Variants in SSBP3 observed in about 807,000 individuals in gnomAD.
SSBP3 encodes the protein single-stranded DNA-binding protein 3.
Under a neutral mutation model 69.6 loss-of-function variants are expected in SSBP3, and 5 were observed. That is an observed-to-expected ratio of 0.07 (90% CI 0.04 to 0.15). The LOEUF (loss-of-function observed/expected upper bound fraction) is 0.15, where lower values mean the gene tolerates loss of function less well. SSBP3 is among the 10% of genes least tolerant of loss of function. The probability of loss-of-function intolerance (pLI) is 1.00; values close to 1 mark genes in which losing one functional copy is unlikely to be tolerated. For synonymous variants in SSBP3, 196 were observed against 193.4 expected, an observed-to-expected ratio of 1.01 and a Z score of -0.11; for missense variants, 312 against 534.0, an observed-to-expected ratio of 0.58 and a Z score of 4.10.
At chr1:54,388,197 T>C (rs967192384) in intron 4 of SSBP3, among the ~76,000 whole-genome samples, 4 of 152,014 alleles carry the variant, frequency 2.6e-5, no homozygotes, top group Non-Finnish European at 5.9e-5. Flanking sequence ...CAAAGTGCAT[T>C]TTTCCCCAAG....
At chr1:54,399,428 C>G (rs1177312796) in intron 4 of SSBP3, among the ~76,000 whole-genome samples, 1 of 152,210 alleles carries the variant, frequency 6.6e-6, no homozygotes, top group Non-Finnish European at 1.5e-5. Flanking sequence ...AACAACAAGC[C>G]TTCTCTCATC....
rs531943885 is a variant in SSBP3, at chr1:54,364,823, C to G, written c.276+37038G>C. The stretch of plus-strand genomic sequence containing the variant: ...TGAACTTGGCAGTATCGAACCCAAA[C>G]AGCCTTTCTCTCCCCATTACCTGCA... On this transcript the variant is annotated intron_variant, in intron 4 of 17. Transcript: ENST00000610401. 1.9e-4 allele frequency among the ~76,000 whole-genome samples: 29 copies of G among 152,342 alleles called. No homozygotes were observed. The South Asian group carries it at 6.0e-3, about 32-fold the overall frequency.
At position 54,316,694 on chromosome 1, in the gene SSBP3, AAATAAATAAAT is replaced by A. The variant is rs1274165679; in HGVS notation, c.277-35178_277-35168del. ...TAAATAAATAAATAAATAAATAAAT[AAATAAATAAAT>A]AAATAAAATAAAATAAAATAAAATA... On this transcript the variant is annotated intron_variant, in intron 4 of 17. Coordinates refer to ENST00000610401, the Ensembl canonical transcript of SSBP3. 1.2e-3 allele frequency among the ~76,000 whole-genome samples: 154 copies of A among 130,222 alleles called. 1 individual carries two copies. The highest frequency in any genetic ancestry group is 6.9e-3 in the South Asian group (30 of 4,320). The allele number at this position is 130,222 out of a possible 152,430, so 85.4% of individuals were successfully genotyped here. A position where few individuals can be genotyped will look rare whatever the true frequency, so the allele number is the denominator to read the frequency against.
intron 4 of SSBP3, among the ~76,000 whole-genome samples, chr1:54,288,197 G>A (rs1645527375): frequency 6.6e-6 from 1 of 152,162 alleles, no homozygotes; most frequent in South Asian, 2.1e-4. Context: ...GCCTGGGCCT[G>A]GGGATTATTA....
At chr1:54,309,683 G>T (rs1645963875) in intron 4 of SSBP3, among the ~76,000 whole-genome samples, 1 of 152,114 alleles carries the variant, frequency 6.6e-6, no homozygotes, top group Admixed American at 6.5e-5. Context: ...TAACTCCCCG[G>T]TTGCCCTGTA....
At chr1:54,395,952 G>A (rs1388498244) in intron 4 of SSBP3, among the ~76,000 whole-genome samples, 1 of 152,094 alleles carries the variant, frequency 6.6e-6, no homozygotes, top group Non-Finnish European at 1.5e-5. Flanking sequence ...CAGCACTTTG[G>A]GAGGCTGAGG....
At chr1:54,314,542 T>C (rs1296024405) in intron 4 of SSBP3, among the ~76,000 whole-genome samples, 4 of 152,222 alleles carry the variant, frequency 2.6e-5, no homozygotes, top group African/African-American at 4.8e-5. Flanking sequence ...AGCCTCAACA[T>C]TTTCTTTAAA....
chr1:54,359,992 A>T (rs1646926326), intron 4 of SSBP3, among the ~76,000 whole-genome samples: 1 of 152,210 alleles, frequency 6.6e-6, no homozygotes, highest in South Asian at 2.1e-4. Flanking sequence ...CAACACCTTC[A>T]GAGTCTTGTT....
chr1:54,277,195 C>T (rs1045307293), intron 5 of SSBP3, among the ~76,000 whole-genome samples: 13 of 152,058 alleles, frequency 8.5e-5, no homozygotes, highest in South Asian at 4.2e-4. Flanking sequence ...GTACCACCAC[C>T]GACACATTCA....
chr1:54,323,308 TGG>T (rs1646247327), intron 4 of SSBP3, among the ~76,000 whole-genome samples: 1 of 152,174 alleles, frequency 6.6e-6, no homozygotes, highest in Non-Finnish European at 1.5e-5. Flanking sequence ...TTACCATAAG[TGG>T]GGAGAAAAGT....
At chr1:54,401,536 G>A (rs1649301815) in intron 4 of SSBP3, among the ~76,000 whole-genome samples, 1 of 152,188 alleles carries the variant, frequency 6.6e-6, no homozygotes. Flanking sequence ...CAACACTAAA[G>A]AGGCTTAGTC....
chr1:54,259,122 C>G lies in SSBP3; in HGVS notation c.367-973G>C, dbSNP rs1644973567. Among the ~76,000 whole-genome samples, 2 of 151,964 alleles carry G rather than the reference C, an allele frequency of 1.3e-5. 1 individual carries two copies. The highest frequency in any genetic ancestry group is 4.2e-4 in the South Asian group (2 of 4,808). On this transcript the variant is annotated intron_variant, in intron 5 of 17. Transcript: ENST00000610401. ...CATACCTCAGTTCCAAGCTGACCCC[C>G]ACCCCCACCGCCTCAACCCTGGGCT...
intron 4 of SSBP3, among the ~76,000 whole-genome samples, chr1:54,302,704 A>G (rs17390642): frequency 0.25 from 37,624 of 152,196 alleles, 5,412 homozygotes; most frequent in Middle Eastern, 0.38. Context: ...ACAACTCACC[A>G]CTTCGAGAAC....
chr1:54,282,213 G>A (rs1338370645), intron 4 of SSBP3, among the ~76,000 whole-genome samples: 3 of 152,250 alleles, frequency 2.0e-5, no homozygotes, highest in African/African-American at 7.2e-5. Context: ...CCTGGGCCGT[G>A]TCTGCCCAGC....
chr1:54,313,624 C>CG lies in SSBP3; in HGVS notation c.277-32098dup, dbSNP rs765407846. ...ATGCCTAAGGTCTTGCACAAAAGCA[C>CG]GGGGGCCTGGAGTGTTCCTGCCCTG... On this transcript the variant is annotated intron_variant, in intron 4 of 17. Coordinates refer to ENST00000610401, the Ensembl canonical transcript of SSBP3. Among the ~76,000 whole-genome samples the CG allele has an allele frequency of 7.2e-5, 11 of 152,170 alleles. No individual in the cohort carries two copies. The East Asian group carries it at 2.1e-3, about 29-fold the overall frequency.
chr1:54,248,799 G>A (rs1325913480), intron 9 of SSBP3, among the ~76,000 whole-genome samples: 4 of 152,150 alleles, frequency 2.6e-5, no homozygotes, highest in Non-Finnish European at 5.9e-5. Context: ...TTTGGCTCTG[G>A]GATTTAATAC....
rs1361777942 is a variant in SSBP3 at position 54,258,959 on chromosome 1, G to A, written c.367-810C>T. ...CATAAAACTGGTCAGTGGCAGAGCT[G>A]GGATGAGAAGCCCCATGGGTCCAAG... On this transcript the variant is annotated intron_variant, in intron 5 of 17. Coordinates refer to ENST00000610401, the Ensembl canonical transcript of SSBP3. The surrounding 1 kb of genome is among the most constrained non-coding windows in gnomAD (Gnocchi z 4.5). Among the ~76,000 whole-genome samples the A allele has an allele frequency of 6.6e-6, 1 of 152,226 alleles. No homozygotes were observed. Among genetic ancestry groups the A allele is most frequent in the Non-Finnish European group, 1.5e-5 (1 of 68,036 alleles).
chr1:54,378,993 C>T (rs916259842), intron 4 of SSBP3, among the ~76,000 whole-genome samples: 9 of 152,108 alleles, frequency 5.9e-5, no homozygotes, highest in Admixed American at 1.3e-4. Flanking sequence ...AGACACAAGA[C>T]GCTGGCTCTC....
At chr1:54,226,845 C>T (rs914465259) in exon 18 of SSBP3, 3 of 435,276 alleles carry the variant, frequency 6.9e-6, no homozygotes, top group Non-Finnish European at 1.3e-5. Flanking sequence ...CAGAAAAGGT[C>T]CTTTGGGGAA....
Sources: gnomAD v4.1 joint callset for allele counts (sites outside exome capture counted in the v4.1 genomes callset) on GRCh38, gnomAD v4.1.1 for gene constraint, Gnocchi (gnomAD v3.1) non-coding constraint, MANE v1.5 for transcripts, NCBI Gene and HGNC (gene_info 2026-07-23, HGNC 2026-07-21) for gene names.